Variants in SCAF11 observed in about 807,000 individuals in gnomAD.
SCAF11 encodes SR-related CTD associated factor 11.
A neutral mutation model predicts 140.5 loss-of-function variants in SCAF11; 47 were observed. The observed-to-expected ratio is 0.33, with a 90% CI of 0.26 to 0.43. The LOEUF is 0.43. Among genes scored for constraint, SCAF11 ranks in the 20% least tolerant of loss-of-function variants. The pLI is 1.00. For synonymous variants in SCAF11, 557 were observed against 579.4 expected (o/e 0.96, Z 0.55); for missense variants, 1,645 against 1,705.1 (o/e 0.96, Z 0.62).
Position 45,927,421 on chromosome 12 carries a change from A to G in SCAF11, c.2280T>C (p.Ser760=). ...THCSENNMPS[S]DLADEKVETV... ...TTTCAACCTTTTCATCCGCAAGATC[A>G]GAAGACGGCATATTATTTTCAGAAC... Residue 760 remains serine, a synonymous_variant, in exon 11 of 15, where the codon TCT becomes TCC. Coordinates refer to ENST00000369367, the MANE Select transcript of SCAF11 (RefSeq NM_004719.3). The G allele has an allele frequency of 1.2e-6, 2 of 1,613,844 alleles. No homozygotes were observed. The highest frequency in any genetic ancestry group is 1.7e-6 in the Non-Finnish European group (2 of 1,179,934).
chr12:45,926,084 A>G, intron 11 of SCAF11, 58 bp downstream of exon 11: 1 of 1,485,040 alleles, frequency 6.7e-7, no homozygotes. Context: ...CAAATAACAT[A>G]TTAAATTTAT....
At chr12:45,971,924 T>A (rs1453344902) in intron 1 of SCAF11, among the ~76,000 whole-genome samples, 1 of 151,896 alleles carries the variant, frequency 6.6e-6, no homozygotes, top group Non-Finnish European at 1.5e-5. Flanking sequence ...GAAAATGGAG[T>A]AAATGAAAAC....
At chr12:45,978,692 C>G (rs1459538976) in intron 1 of SCAF11, among the ~76,000 whole-genome samples, 2 of 152,056 alleles carry the variant, frequency 1.3e-5, no homozygotes, top group Non-Finnish European at 2.9e-5. Flanking sequence ...TTAAGAAAAA[C>G]AGGAAAACTG....
intron 1 of SCAF11, among the ~76,000 whole-genome samples, chr12:45,978,048 A>AATGTATTT (rs1946273406): frequency 6.6e-6 from 1 of 152,202 alleles, no homozygotes; most frequent in African/African-American, 2.4e-5. Context: ...ATATATTTAC[A>AATGTATTT]ACGCAGTACT....
intron 6 of SCAF11, among the ~76,000 whole-genome samples, chr12:45,942,339 A>G (rs1945321398): frequency 6.6e-6 from 1 of 152,250 alleles, no homozygotes; most frequent in Non-Finnish European, 1.5e-5. Flanking sequence ...TGTGGCCTAG[A>G]AAAACGTCAC....
intron 14 of SCAF11, 83 bp from the exon 15 acceptor site, chr12:45,922,277 C>A: frequency 1.3e-6 from 2 of 1,487,008 alleles, no homozygotes; most frequent in Non-Finnish European, 1.8e-6. Flanking sequence ...GAAAAACAAC[C>A]CCAAAGAGAT....
intron 1 of SCAF11, among the ~76,000 whole-genome samples, chr12:45,971,034 C>T (rs769583042): frequency 6.6e-6 from 1 of 152,038 alleles, no homozygotes; most frequent in Non-Finnish European, 1.5e-5. Context: ...GAAAGGCAAG[C>T]CAGAAATCGT....
chr12:45,969,167 T>A (rs1946017237), intron 1 of SCAF11, among the ~76,000 whole-genome samples: 1 of 152,218 alleles, frequency 6.6e-6, no homozygotes, highest in Non-Finnish European at 1.5e-5. Context: ...GCACAACTGT[T>A]AAAAACCTGT....
At position 45,927,646 on chromosome 12, in the gene SCAF11, A is replaced by C; in HGVS notation, c.2055T>G (p.Asn685Lys). ...ATCTAGGATGTTCGGTCAGCGATTC[A>C]TTCTTTTCTTCTAAAGATTTTTCCA... ...TKLEKSLEEK[N>K]ESLTEHPRST... Residue 685 changes from asparagine (N) to lysine (K), a missense_variant, in exon 11 of 15, where the codon AAT becomes AAG. By Grantham distance (94) the Asn-to-Lys change is moderately conservative (BLOSUM62 0). Transcript: ENST00000369367. The C allele has an allele frequency of 1.9e-6, 3 of 1,612,264 alleles. No individual in the cohort carries two copies. The highest frequency in any genetic ancestry group is 2.5e-6 in the Non-Finnish European group (3 of 1,179,992).
In SCAF11 at chr12:45,972,867, T is replaced by G. The variant is rs1278472514; in HGVS notation, c.-21-8679A>C. Among the ~76,000 whole-genome samples, 4 of 40,096 alleles carry G rather than the reference T, an allele frequency of 1.0e-4. 2 individuals are homozygous for G. Among genetic ancestry groups the G allele is most frequent in the African/African-American group, 4.1e-4 (4 of 9,746 alleles). The allele number at this position is 40,096 out of a possible 152,430, so 26.3% of individuals were successfully genotyped here. A position where few individuals can be genotyped will look rare whatever the true frequency, so the allele number is the denominator to read the frequency against. On this transcript the variant is annotated intron_variant, in intron 1 of 14. Coordinates refer to ENST00000369367, the MANE Select transcript of SCAF11 (RefSeq NM_004719.3). Reference sequence around the variant, plus strand: ...AAGCCAGTATATATATATATATCGATATATATATATATAGATATATATATA... The same window carrying G: ...AAGCCAGTATATATATATATATCGAGATATATATATATAGATATATATATA...
rs534690297 is a variant in SCAF11, at chr12:45,952,523, T to G, written c.220-796A>C. Among the ~76,000 whole-genome samples the G allele has an allele frequency of 5.7e-4, 87 of 152,318 alleles. 2 individuals carry two copies. The highest frequency in any genetic ancestry group is 5.7e-3 in the Admixed American group (87 of 15,282). On this transcript the variant is annotated intron_variant, in intron 3 of 14. Transcript: ENST00000369367. ...ATTAAGTTGCTACTCTTTTTCAAAT[T>G]GAGTTATAGGTGCTCTTTATTTATT...
intron 6 of SCAF11, among the ~76,000 whole-genome samples, chr12:45,936,149 T>C (rs536529975): frequency 6.7e-6 from 1 of 150,284 alleles, no homozygotes; most frequent in Non-Finnish European, 1.5e-5. Flanking sequence ...TTTTTTTTGT[T>C]TTTTTTTTTT....
At chr12:45,977,383 A>G (rs891389116) in intron 1 of SCAF11, among the ~76,000 whole-genome samples, 1 of 152,126 alleles carries the variant, frequency 6.6e-6, no homozygotes, top group African/African-American at 2.4e-5. Flanking sequence ...ATTTACATGC[A>G]AACCTATAGT....
At chr12:45,941,518 T>C (rs762718597) in intron 6 of SCAF11, among the ~76,000 whole-genome samples, 2 of 152,198 alleles carry the variant, frequency 1.3e-5, no homozygotes, top group Non-Finnish European at 2.9e-5. Context: ...AATTTATTCA[T>C]CTTGCATAAC....
chr12:45,972,899 T>TATATAGATATATAG (rs1946119664), intron 1 of SCAF11, among the ~76,000 whole-genome samples: 4 of 64,616 alleles, frequency 6.2e-5, no homozygotes, highest in African/African-American at 4.6e-4. Context: ...TATAGATATA[T>TATATAGATATATAG]ATATATATAG....
At chr12:45,946,560 G>A (rs1399869240) in intron 5 of SCAF11, among the ~76,000 whole-genome samples, 2 of 151,974 alleles carry the variant, frequency 1.3e-5, no homozygotes, top group African/African-American at 2.4e-5. Context: ...ACTCAAATAA[G>A]AGCTGTGAGC....
Position 45,990,366 on chromosome 12 carries a change from C to G in SCAF11, c.-35G>C, listed in dbSNP as rs1946568262. ...ACCAGTGTTTACCTCAGACCGAGGT[C>G]GAGGCGCTCGGTCCGGCCGCGGCCC... On this transcript the variant is annotated 5_prime_UTR_variant, in exon 1 of 15. Transcript: ENST00000369367. 2 of 1,231,956 alleles carry G rather than the reference C, an allele frequency of 1.6e-6. No individual in the cohort carries two copies. Among genetic ancestry groups the G allele is most frequent in the African/African-American group, 1.6e-5 (1 of 64,414 alleles). The allele number at this position is 1,231,956 out of a possible 1,614,324, so 76.3% of individuals were successfully genotyped here.
chr12:45,932,138 T>C (rs1334191054), intron 9 of SCAF11, among the ~76,000 whole-genome samples: 1 of 152,040 alleles, frequency 6.6e-6, no homozygotes, highest in Non-Finnish European at 1.5e-5. Flanking sequence ...TTTGTATCCT[T>C]CTCCCTCCTT....
chr12:45,948,861 G>C (rs1945485695), intron 4 of SCAF11, among the ~76,000 whole-genome samples: 1 of 152,122 alleles, frequency 6.6e-6, no homozygotes, highest in Non-Finnish European at 1.5e-5. Context: ...GATGATGTAT[G>C]AGTTGGTCTT....
Sources: gnomAD v4.1 joint callset for allele counts (sites outside exome capture counted in the v4.1 genomes callset) on GRCh38, gnomAD v4.1.1 for gene constraint, MANE v1.5 for transcripts, NCBI Gene and HGNC (gene_info 2026-07-23, HGNC 2026-07-21) for gene names.